The following ARHGEF28 variants were observed in gnomAD, a reference collection of about 807,000 sequenced individuals.
ARHGEF28 encodes the protein Rho guanine nucleotide exchange factor 28.
In ARHGEF28, 152 loss-of-function variants were observed where a neutral mutation model predicts 206.6. That is an observed-to-expected ratio of 0.74 (90% confidence interval 0.64 to 0.84). The LOEUF is 0.84. Among genes scored for constraint, ARHGEF28 ranks in the 40% least tolerant of loss-of-function variants. ARHGEF28 has a pLI of 0.00. For synonymous variants in ARHGEF28, 763 were observed against 776.4 expected (o/e 0.98, Z 0.29); for missense variants, 2,028 against 2,073.2 (o/e 0.98, Z 0.42).
chr5:73,852,748 GTCCAC>G, intron 14 of ARHGEF28, 56 bp downstream of exon 14: 3 of 1,555,856 alleles, frequency 1.9e-6, no homozygotes, highest in Non-Finnish European at 2.7e-6. Context: ...CTTTGGAAAT[GTCCAC>G]ACATCATTTT....
intron 2 of ARHGEF28, among the ~76,000 whole-genome samples, chr5:73,709,677 C>G (rs538174638): frequency 6.6e-6 from 1 of 152,268 alleles, no homozygotes; most frequent in East Asian, 1.9e-4. Context: ...AAACACTGCA[C>G]CTGGGGTATG....
At chr5:73,705,910 G>A (rs755247901) in intron 2 of ARHGEF28, among the ~76,000 whole-genome samples, 53 of 152,316 alleles carry the variant, frequency 3.5e-4, no homozygotes, top group Non-Finnish European at 6.3e-4. Context: ...GTGACTCCCT[G>A]TCTACCGTCT....
chr5:73,834,260 A>T (rs1757471039), intron 10 of ARHGEF28, among the ~76,000 whole-genome samples: 1 of 152,168 alleles, frequency 6.6e-6, no homozygotes, highest in Non-Finnish European at 1.5e-5. Flanking sequence ...TATAGTCACC[A>T]TGTTGTACAT....
intron 6 of ARHGEF28, among the ~76,000 whole-genome samples, chr5:73,777,668 TTCTC>T (rs1221269475): frequency 1.3e-5 from 2 of 152,196 alleles, no homozygotes; most frequent in African/African-American, 2.4e-5. Context: ...AGTATGATCT[TTCTC>T]TCTTTGCTGG....
intron 10 of ARHGEF28, among the ~76,000 whole-genome samples, chr5:73,835,977 A>C (rs1287301096): frequency 6.6e-6 from 1 of 152,162 alleles, no homozygotes. Flanking sequence ...GAGTAAGAGA[A>C]TAGAAAAAAA....
intron 28 of ARHGEF28, 47 bp downstream of exon 28, chr5:73,893,335 G>T: frequency 6.9e-7 from 1 of 1,451,014 alleles, no homozygotes; most frequent in Non-Finnish European, 9.2e-7. Flanking sequence ...GTTCTCCTGG[G>T]TGTTGGGAAA....
At chr5:73,672,018 A>C (rs566288557) in intron 1 of ARHGEF28, among the ~76,000 whole-genome samples, 1 of 151,922 alleles carries the variant, frequency 6.6e-6, no homozygotes, top group African/African-American at 2.4e-5. Context: ...TGGCCTCCCA[A>C]AGAACTTGAT....
At position 73,675,732 on chromosome 5, in the gene ARHGEF28, C is replaced by CAAA. The variant is rs35836692; in HGVS notation, c.-11-9089_-11-9087dup. ...TGGGTGACAGAGCAAGACTCTGTCT[C>CAAA]AAAAAAAAAAAAAAAAAAAAAAGAA... is the stretch of plus-strand genomic sequence containing the variant. On this transcript the variant is annotated intron_variant, in intron 1 of 35. Coordinates refer to ENST00000513042, the MANE Select transcript of ARHGEF28 (RefSeq NM_001177693.2). Among the ~76,000 whole-genome samples, 442 of 49,562 alleles carry CAAA rather than the reference C, an allele frequency of 8.9e-3. 17 individuals carry two copies. Among genetic ancestry groups the CAAA allele is most frequent in the African/African-American group, 0.032 (404 of 12,820 alleles). The allele number at this position is 49,562 out of a possible 152,430, so 32.5% of individuals were successfully genotyped here.
chr5:73,736,523 A>G (rs950455107), intron 2 of ARHGEF28, among the ~76,000 whole-genome samples: 1 of 152,206 alleles, frequency 6.6e-6, no homozygotes, highest in African/African-American at 2.4e-5. Flanking sequence ...GGTACTTGGT[A>G]CATTCAAATG....
intron 13 of ARHGEF28, among the ~76,000 whole-genome samples, chr5:73,851,406 CT>C (rs77725087): frequency 0.15 from 20,511 of 139,032 alleles, 1,888 homozygotes; most frequent in African/African-American, 0.27. Flanking sequence ...TCTCATGCGT[CT>C]TTTTTTTTTT....
chr5:73,877,143 G>A (rs539739063), intron 22 of ARHGEF28, among the ~76,000 whole-genome samples: 1 of 139,094 alleles, frequency 7.2e-6, no homozygotes, highest in South Asian at 2.3e-4. Flanking sequence ...TCCTGGTTTA[G>A]TCTTGGAAGA....
intron 11 of ARHGEF28, among the ~76,000 whole-genome samples, chr5:73,844,488 G>A (rs995869448): frequency 2.0e-5 from 3 of 151,766 alleles, no homozygotes; most frequent in Non-Finnish European, 4.4e-5. Flanking sequence ...TTGCATTAGA[G>A]GCATAGTAGA....
intron 10 of ARHGEF28, among the ~76,000 whole-genome samples, chr5:73,834,411 A>G (rs1395764713): frequency 1.3e-5 from 2 of 152,092 alleles, no homozygotes; most frequent in Non-Finnish European, 2.9e-5. Flanking sequence ...TACATTCCAC[A>G]TATAAGTCAG....
At chr5:73,701,083 T>C (rs187308460) in intron 2 of ARHGEF28, among the ~76,000 whole-genome samples, 1 of 152,318 alleles carries the variant, frequency 6.6e-6, no homozygotes, top group Admixed American at 6.5e-5. Flanking sequence ...TTAGAAAAGT[T>C]ACCTATACAT....
At chr5:73,723,461 C>T (rs1488738068) in intron 2 of ARHGEF28, among the ~76,000 whole-genome samples, 1 of 152,242 alleles carries the variant, frequency 6.6e-6, no homozygotes, top group Non-Finnish European at 1.5e-5. Flanking sequence ...GTTGGGATTA[C>T]AGGCGTGAGC....
intron 4 of ARHGEF28, among the ~76,000 whole-genome samples, chr5:73,771,707 A>G (rs1753233481): frequency 6.6e-6 from 1 of 152,214 alleles, no homozygotes; most frequent in Admixed American, 6.5e-5. Context: ...TTTAAAAAGG[A>G]AGAAAAATAC....
intron 31 of ARHGEF28, chr5:73,902,978 G>A (rs1235376295): frequency 6.6e-6 from 1 of 152,224 alleles, no homozygotes; most frequent in Non-Finnish European, 1.5e-5. Context: ...CTAGGGCGGG[G>A]GTTCTTAGAG....
intron 9 of ARHGEF28, among the ~76,000 whole-genome samples, chr5:73,830,003 T>A (rs1366970926): frequency 2.0e-5 from 3 of 152,122 alleles, no homozygotes; most frequent in Non-Finnish European, 4.4e-5. Context: ...AATTCCGAAT[T>A]TTCAGATCTT....
At chr5:73,902,011 C>T (rs1234773208) in intron 31 of ARHGEF28, 3 of 152,070 alleles carry the variant, frequency 2.0e-5, no homozygotes, top group Non-Finnish European at 1.5e-5. Flanking sequence ...CAGAGTTTAG[C>T]TTTATCTAAA....
Sources: gnomAD v4.1 joint callset for allele counts (sites outside exome capture counted in the v4.1 genomes callset) on GRCh38, gnomAD v4.1.1 for gene constraint, MANE v1.5 for transcripts, NCBI Gene and HGNC (gene_info 2026-07-23, HGNC 2026-07-21) for gene names.